The following PCDHGB5 variants were observed in gnomAD, a reference collection of about 807,000 sequenced individuals.
PCDHGB5 encodes the protein protocadherin gamma subfamily B, 5.
PCDHGB5 carries 48 observed loss-of-function variants against 62.9 expected under a neutral mutation model. The ratio of observed to expected loss-of-function variants is 0.76; its 90% confidence interval spans 0.61 to 0.97. The LOEUF is 0.97. Ranked by LOEUF, PCDHGB5 falls within the 50% of genes least tolerant of loss-of-function variation. The pLI, the probability that PCDHGB5 is intolerant of heterozygous loss-of-function variation, is 0.00. For synonymous variants in PCDHGB5, 474 were observed against 511.2 expected (o/e 0.93, Z 0.98); for missense variants, 1,118 against 1,198.6 (o/e 0.93, Z 0.99).
Position 141,491,913 on chromosome 5 carries a change from T to C in PCDHGB5, c.2398-2894T>C, listed in dbSNP as rs2099735120. 2.1e-6 allele frequency: 3 copies of C among 1,398,206 alleles called. No homozygotes were observed. Among genetic ancestry groups the C allele is most frequent in the Non-Finnish European group, 2.9e-6 (3 of 1,051,918 alleles). The allele number at this position is 1,398,206 out of a possible 1,614,324, so 86.6% of individuals were successfully genotyped here. On this transcript the variant is annotated intron_variant, in intron 1 of 3. Coordinates refer to ENST00000617380, the MANE Select transcript of PCDHGB5 (RefSeq NM_018925.3). The surrounding 1 kb of genome is among the most constrained non-coding windows in gnomAD (Gnocchi z 6.9). ...TCCGAGCACCGGGGGTGGTGGCGAC[T>C]GTGGGCGAGGGGAGGTGGGACCGAC... is the stretch of plus-strand genomic sequence containing the variant.
chr5:141,479,466 C>G (rs1004384273), intron 1 of PCDHGB5: 1 of 152,224 alleles, frequency 6.6e-6, no homozygotes, highest in Non-Finnish European at 1.5e-5. Flanking sequence ...AATACAGTGA[C>G]CTCTTGGGAG....
rs894528472 is a variant in PCDHGB5 at position 141,489,718 on chromosome 5, C to A, written c.2398-5089C>A. 6.2e-7 allele frequency: 1 copy of A among 1,614,038 alleles called. No individual in the cohort carries two copies. Among genetic ancestry groups the A allele is most frequent in the African/African-American group, 1.3e-5 (1 of 74,934 alleles). ...ATTCCCACTGGACAGTGCCCAGGATCCGGATGTGGGCACCAATACTGTGAG... is the reference window on the plus strand; with the variant it reads ...ATTCCCACTGGACAGTGCCCAGGATACGGATGTGGGCACCAATACTGTGAG... On this transcript the variant is annotated intron_variant, in intron 1 of 3. Coordinates refer to ENST00000617380, the MANE Select transcript of PCDHGB5 (RefSeq NM_018925.3). This position sits in a 1 kb window ranked among gnomAD's most constrained non-coding sequence, Gnocchi z 4.5.
At chr5:141,441,849 G>A (rs1192040398) in intron 1 of PCDHGB5, 2 of 345,448 alleles carry the variant, frequency 5.8e-6, no homozygotes, top group Non-Finnish European at 1.1e-5. Context: ...TCTTGGATAT[G>A]GTGCTGCACG....
At position 141,511,124 on chromosome 5, in the gene PCDHGB5, C is replaced by A. The variant is rs752246201; in HGVS notation, c.2723C>A (p.Ala908Glu). The A allele has an allele frequency of 6.2e-7, 1 of 1,614,206 alleles. No homozygotes were observed. The highest frequency in any genetic ancestry group is 8.5e-7 in the Non-Finnish European group (1 of 1,180,022). ...AAGKRDGKAP[A>E]GGNGNKKKSG... The stretch of plus-strand genomic sequence containing the variant: ...GGCAAGCGGGATGGCAAGGCCCCAG[C>A]AGGTGGCAATGGCAACAAGAAGAAG... Residue 908 changes from alanine (A) to glutamate (E), a missense_variant, in exon 4 of 4, where the codon GCA becomes GAA. Coordinates refer to ENST00000617380, the MANE Select transcript of PCDHGB5 (RefSeq NM_018925.3).
At chr5:141,417,007 C>A (rs1204390468) in intron 1 of PCDHGB5, 1 of 148,406 alleles carries the variant, frequency 6.7e-6, no homozygotes, top group Non-Finnish European at 1.5e-5. Flanking sequence ...TCAAATAATT[C>A]TATTATTTTG....
chr5:141,490,942 C>G lies in PCDHGB5; in HGVS notation c.2398-3865C>G. 1 of 1,613,644 alleles carries G rather than the reference C, an allele frequency of 6.2e-7. No individual in the cohort carries two copies. Among genetic ancestry groups the G allele is most frequent in the Non-Finnish European group, 8.5e-7 (1 of 1,179,760 alleles). On this transcript the variant is annotated intron_variant, in intron 1 of 3. Transcript: ENST00000617380. This position sits in a 1 kb window ranked among gnomAD's most constrained non-coding sequence, Gnocchi z 5.4. ...TAATGCCCCAGCTGTGCTGCACCCA[C>G]GGCCAGACTGGGAACACTCAGCCCC...
At chr5:141,507,815 C>G (rs936926937) in intron 3 of PCDHGB5, among the ~76,000 whole-genome samples, 2 of 152,204 alleles carry the variant, frequency 1.3e-5, no homozygotes, top group African/African-American at 4.8e-5. Context: ...GGAACGGACC[C>G]TGGGGGTGGA....
rs2099415271 is a variant in PCDHGB5, at chr5:141,477,659, G to A, written c.2398-17148G>A. 6.2e-7 allele frequency: 1 copy of A among 1,614,194 alleles called. No individual in the cohort carries two copies. The highest frequency in any genetic ancestry group is 1.3e-5 in the African/African-American group (1 of 75,046). ...GGGTCGCTATTTCACAATAAATCGT[G>A]ACAATGGCATAGTGTCATCCTTAGT... On this transcript the variant is annotated intron_variant, in intron 1 of 3. Transcript: ENST00000617380. The surrounding 1 kb of genome is among the most constrained non-coding windows in gnomAD (Gnocchi z 4.9).
chr5:141,431,833 AAACTCT>A lies in PCDHGB5; in HGVS notation c.2397+31310_2397+31315del. The A allele has an allele frequency of 1.2e-6, 2 of 1,614,278 alleles. No homozygotes were observed. Among genetic ancestry groups the A allele is most frequent in the Non-Finnish European group, 1.7e-6 (2 of 1,180,044 alleles). ...CCTCTCTCGCCAGCTCGGTTCCCGA[AAACTCT>A]CCCAGAGGGACATTAATTGCCCTTT... is the stretch of plus-strand genomic sequence containing the variant. On this transcript the variant is annotated intron_variant, in intron 1 of 3. Transcript: ENST00000617380. This position sits in a 1 kb window ranked among gnomAD's most constrained non-coding sequence, Gnocchi z 4.8.
chr5:141,446,850 C>T (rs1027473189), intron 1 of PCDHGB5, among the ~76,000 whole-genome samples: 2 of 152,114 alleles, frequency 1.3e-5, no homozygotes, highest in Non-Finnish European at 2.9e-5. Flanking sequence ...GCATAATAAG[C>T]TTCCTGATAG....
intron 1 of PCDHGB5, chr5:141,419,435 C>CGCACCT (rs2096383167): frequency 6.2e-7 from 1 of 1,613,108 alleles, no homozygotes; most frequent in Admixed American, 1.7e-5. Context: ...CGAGCAGCTG[C>CGCACCT]GCACCTTCGA....
In PCDHGB5 at chr5:141,502,866, C is replaced by CTTTTTTTTTT. The variant is rs549047197; in HGVS notation, c.2457-2522_2457-2513dup. On this transcript the variant is annotated intron_variant, in intron 2 of 3. Transcript: ENST00000617380. ...GAGCTGCCTAACCCTGACTCTCTGT[C>CTTTTTTTTTT]TTTTTTTTTTTTTTGACAGGGAGTC... 1.9e-3 allele frequency among the ~76,000 whole-genome samples: 240 copies of CTTTTTTTTTT among 127,966 alleles called. 11 individuals are homozygous for CTTTTTTTTTT. The highest frequency in any genetic ancestry group is 3.5e-3 in the Admixed American group (41 of 11,656). The allele number at this position is 127,966 out of a possible 152,430, so 84.0% of individuals were successfully genotyped here.
chr5:141,415,419 C>T (rs2095868053), intron 1 of PCDHGB5: 1 of 1,614,196 alleles, frequency 6.2e-7, no homozygotes, highest in Non-Finnish European at 8.5e-7. Context: ...TGGGCGTGGA[C>T]GGGGTTCGGG....
Position 141,398,711 on chromosome 5 carries a change from C to T in PCDHGB5, c.584C>T (p.Ala195Val). 1.2e-6 allele frequency: 2 copies of T among 1,613,822 alleles called. No homozygotes were observed. The highest frequency in any genetic ancestry group is 1.1e-5 in the South Asian group (1 of 91,078). The change falls in exon 1 of 4, where the codon GCA becomes GTA. Residue 195 changes from alanine to valine, a missense_variant. Physicochemically the swap from Ala to Val is moderately conservative, Grantham distance 64 (BLOSUM62 0). This residue lies in a region of PCDHGB5 where 1,034 missense variants were observed against 1,029.1 expected (regional missense o/e 1.00). Coordinates refer to ENST00000617380, the MANE Select transcript of PCDHGB5 (RefSeq NM_018925.3). The part of the protein sequence containing the change: ...KQDGSKYPEL[A>V]LEKTLDREQQ... ...GATGGTAGTAAATACCCGGAACTGG[C>T]ACTGGAGAAAACCTTAGACCGGGAA...
chr5:141,399,469 T>G lies in PCDHGB5; in HGVS notation c.1342T>G (p.Phe448Val). ...AGACGTCAACGATAACGCTCCGGTTTTCCACCAGGCGTCCTACTTAGTCAG... is the reference window on the plus strand; with the variant it reads ...AGACGTCAACGATAACGCTCCGGTTGTCCACCAGGCGTCCTACTTAGTCAG... ...IRDVNDNAPV[F>V]HQASYLVSVP... Residue 448 changes from phenylalanine (F) to valine (V), a missense_variant, in exon 1 of 4, where the codon TTC (phenylalanine) becomes GTC (valine). By Grantham distance (50) the Phe-to-Val change is conservative (BLOSUM62 -1). Coordinates refer to ENST00000617380, the MANE Select transcript of PCDHGB5 (RefSeq NM_018925.3). The G allele has an allele frequency of 6.2e-7, 1 of 1,614,000 alleles. No homozygotes were observed.
At chr5:141,446,873 A>T (rs1324695415) in intron 1 of PCDHGB5, among the ~76,000 whole-genome samples, 1 of 152,132 alleles carries the variant, frequency 6.6e-6, no homozygotes, top group African/African-American at 2.4e-5. Flanking sequence ...CTACACTGGT[A>T]TGTTTTGGGG....
chr5:141,413,371 C>G (rs752898022), intron 1 of PCDHGB5: 1 of 1,613,966 alleles, frequency 6.2e-7, no homozygotes, highest in Non-Finnish European at 8.5e-7. Context: ...GCTGGCGGAG[C>G]GCGGAGTCCG....
Position 141,491,340 on chromosome 5 carries a change from C to T in PCDHGB5, c.2398-3467C>T, listed in dbSNP as rs772328241. The T allele has an allele frequency of 3.7e-6, 6 of 1,614,144 alleles. No individual in the cohort carries two copies. The Admixed American group carries it at 6.7e-5, about 18-fold the overall frequency. ...TTTACCTCATTGTGGCTCTAGCGAC[C>T]GTCAGTCTCTTATCCCTAGTCACCT... On this transcript the variant is annotated intron_variant, in intron 1 of 3. Transcript: ENST00000617380. This position sits in a 1 kb window ranked among gnomAD's most constrained non-coding sequence, Gnocchi z 6.9.
In PCDHGB5 at chr5:141,399,896, T is replaced by G. The variant is rs1271195619; in HGVS notation, c.1769T>G (p.Val590Gly). The G allele has an allele frequency of 1.2e-6, 2 of 1,612,518 alleles. No individual in the cohort carries two copies. Among genetic ancestry groups the G allele is most frequent in the Non-Finnish European group, 8.5e-7 (1 of 1,179,772 alleles). The change falls in exon 1 of 4, where the codon GTG (valine) becomes GGG (glycine). Residue 590 changes from valine (V) to glycine (G), a missense_variant. By Grantham distance (109) the Val-to-Gly change is moderately radical (BLOSUM62 -3). Coordinates refer to ENST00000617380, the MANE Select transcript of PCDHGB5 (RefSeq NM_018925.3). ...TACCTGGTGACCAAGGTAGTGGCCG[T>G]GGACGCAGACTCAGGACACAACGCC... is the stretch of plus-strand genomic sequence containing the variant. ...PGYLVTKVVA[V>G]DADSGHNAWL...
Sources: gnomAD v4.1 joint callset for allele counts (sites outside exome capture counted in the v4.1 genomes callset) on GRCh38, gnomAD v4.1.1 for gene constraint, gnomAD v4.1.1 regional missense constraint, Gnocchi (gnomAD v3.1) non-coding constraint, MANE v1.5 for transcripts, NCBI Gene and HGNC (gene_info 2026-07-23, HGNC 2026-07-21) for gene names.